The following LIX1 variants were observed in gnomAD, a reference collection of about 807,000 sequenced individuals.
LIX1 encodes protein limb expression 1 homolog.
Under a neutral mutation model 33.4 loss-of-function variants are expected in LIX1, and 24 were observed. The ratio of observed to expected loss-of-function variants is 0.72; its 90% CI spans 0.52 to 1.01. The LOEUF (loss-of-function observed/expected upper bound fraction) is 1.01, where lower values mean the gene tolerates loss of function less well. Ranked by LOEUF, LIX1 falls within the 50% of genes least tolerant of loss-of-function variation. The pLI is 0.00. For synonymous variants in LIX1, 124 were observed against 124.0 expected (o/e 1.00, Z 0.00); for missense variants, 311 against 339.2 (o/e 0.92, Z 0.65).
Position 97,107,517 on chromosome 5 carries a change from GA to G in LIX1, c.247-18del, listed in dbSNP as rs1561493206. 6.2e-7 allele frequency: 1 copy of G among 1,613,338 alleles called. No homozygotes were observed. Among genetic ancestry groups the G allele is most frequent in the East Asian group, 2.2e-5 (1 of 44,868 alleles). On this transcript the variant is annotated intron_variant, in intron 2 of 5. Transcript: ENST00000274382. ...TAAGCAGCACTTGAGAAGGGAGGGA[GA>G]AAAGGAGTCATTTGAGAATTTAGCA...
intron 4 of LIX1, among the ~76,000 whole-genome samples, chr5:97,103,968 A>G (rs1046519512): frequency 1.5e-5 from 2 of 130,984 alleles, no homozygotes; most frequent in Admixed American, 7.2e-5. Context: ...CCGTCTCAAA[A>G]AAGAAAAAAA....
intron 1 of LIX1, among the ~76,000 whole-genome samples, chr5:97,130,082 G>A (rs1478911618): frequency 2.0e-5 from 3 of 152,202 alleles, no homozygotes; most frequent in Non-Finnish European, 4.4e-5. Context: ...AACTGCTGTG[G>A]TTAAAGCAAT....
chr5:97,125,886 A>G (rs1234751310), intron 1 of LIX1, among the ~76,000 whole-genome samples: 1 of 152,222 alleles, frequency 6.6e-6, no homozygotes, highest in East Asian at 1.9e-4. Flanking sequence ...CTGGAGCCGT[A>G]GGAGGTAAGC....
At chr5:97,113,657 G>A (rs1381784906) in intron 2 of LIX1, among the ~76,000 whole-genome samples, 1 of 152,168 alleles carries the variant, frequency 6.6e-6, no homozygotes, top group African/African-American at 2.4e-5. Context: ...TGGTCTGTCT[G>A]ACTTGGGAGT....
chr5:97,109,536 G>A (rs1318723482), intron 2 of LIX1, among the ~76,000 whole-genome samples: 2 of 152,166 alleles, frequency 1.3e-5, no homozygotes, highest in Non-Finnish European at 2.9e-5. Flanking sequence ...TTACAGGTGT[G>A]AGCCACTGGC....
rs527645286 is a variant in LIX1, at chr5:97,095,575, G to C, written c.562-540C>G. Among the ~76,000 whole-genome samples, 336 of 152,290 alleles carry C rather than the reference G, an allele frequency of 2.2e-3. 5 individuals carry two copies. Among genetic ancestry groups the C allele is most frequent in the African/African-American group, 7.7e-3 (322 of 41,574 alleles). ...TTAGCACAAGGGAGATGGTCCAACTGTCCCACAGTAAATACAGAAGGGAGT... is the reference window on the plus strand; with the variant it reads ...TTAGCACAAGGGAGATGGTCCAACTCTCCCACAGTAAATACAGAAGGGAGT... On this transcript the variant is annotated intron_variant, in intron 5 of 5. Transcript: ENST00000274382.
chr5:97,109,056 C>T (rs9765151), intron 2 of LIX1, among the ~76,000 whole-genome samples: 1,686 of 152,202 alleles, frequency 0.011, 25 homozygotes, highest in African/African-American at 0.039. Flanking sequence ...CTTATGCTCT[C>T]GTGTCCTCTA....
chr5:97,109,016 A>G (rs1747219532), intron 2 of LIX1, among the ~76,000 whole-genome samples: 1 of 151,990 alleles, frequency 6.6e-6, no homozygotes, highest in South Asian at 2.1e-4. Context: ...TCTGTTGACT[A>G]TCTCTGCACT....
At chr5:97,141,798 C>T (rs774505844) in intron 1 of LIX1, among the ~76,000 whole-genome samples, 7 of 151,922 alleles carry the variant, frequency 4.6e-5, no homozygotes, top group East Asian at 1.9e-4. Flanking sequence ...GTTCCAGAAA[C>T]GAAGTTATAT....
chr5:97,112,136 T>C (rs895190728), intron 2 of LIX1, among the ~76,000 whole-genome samples: 1 of 152,218 alleles, frequency 6.6e-6, no homozygotes, highest in South Asian at 2.1e-4. Flanking sequence ...GAACTACAAA[T>C]CTCAGCCAGT....
chr5:97,094,702 T>C lies in LIX1; in HGVS notation c.*46A>G. The C allele has an allele frequency of 3.8e-6, 6 of 1,579,320 alleles. No individual in the cohort carries two copies. Among genetic ancestry groups the C allele is most frequent in the African/African-American group, 1.3e-5 (1 of 74,184 alleles). Reference sequence around the variant, plus strand: ...ACCTCTGCACTGAGATTCCTAATGTTAATCTGGCCTCTGCCATCACTGAGG... The same window carrying C: ...ACCTCTGCACTGAGATTCCTAATGTCAATCTGGCCTCTGCCATCACTGAGG... On this transcript the variant is annotated 3_prime_UTR_variant, in exon 6 of 6. Transcript: ENST00000274382.
At chr5:97,124,928 G>A (rs2112789192) in intron 1 of LIX1, among the ~76,000 whole-genome samples, 2 of 152,078 alleles carry the variant, frequency 1.3e-5, no homozygotes, top group Non-Finnish European at 2.9e-5. Context: ...CAATATAGCA[G>A]TATTTCAAAT....
chr5:97,131,122 C>T (rs1748048119), intron 1 of LIX1, among the ~76,000 whole-genome samples: 1 of 152,202 alleles, frequency 6.6e-6, no homozygotes, highest in South Asian at 2.1e-4. Flanking sequence ...TCCCAGTTAA[C>T]TGATGAAGAC....
rs377721570 is a variant in LIX1 at position 97,141,179 on chromosome 5, T to G, written c.82+1316A>C. 3.3e-5 allele frequency among the ~76,000 whole-genome samples: 5 copies of G among 152,122 alleles called. 1 individual carries two copies. In the East Asian group the frequency reaches 5.8e-4, roughly 18 times the overall value. ...TAAATGCTCAGCATAAGAACCCTGG[T>G]CCTATACAATTTATCCAAAGCTTGG... On this transcript the variant is annotated intron_variant, in intron 1 of 5. Coordinates refer to ENST00000274382, the MANE Select transcript of LIX1 (RefSeq NM_153234.5).
chr5:97,103,268 G>A (rs1447056120), intron 4 of LIX1, among the ~76,000 whole-genome samples: 3 of 152,134 alleles, frequency 2.0e-5, no homozygotes, highest in Non-Finnish European at 4.4e-5. Flanking sequence ...TTCAAATAGA[G>A]CTAGGTTAGA....
chr5:97,102,614 T>A (rs930167677), intron 4 of LIX1, among the ~76,000 whole-genome samples: 1 of 152,218 alleles, frequency 6.6e-6, no homozygotes, highest in African/African-American at 2.4e-5. Flanking sequence ...TTTCACAAAT[T>A]TAAATACCTT....
rs1746107908 is a variant in LIX1, at chr5:97,092,219, G to A, written c.*2529C>T. 1 of 152,308 alleles carries A rather than the reference G, an allele frequency of 6.6e-6. No individual in the cohort carries two copies. 9.4% of individuals were successfully genotyped at this position (152,308 alleles called of 1,614,324 possible). A position where few individuals can be genotyped will look rare whatever the true frequency, so the allele number is the denominator to read the frequency against. ...TCCACATACTCTGGAACTGTGTAAT[G>A]TGAATATGTATGTTTTGTTCTATTT... On this transcript the variant is annotated 3_prime_UTR_variant, in exon 6 of 6. Transcript: ENST00000274382.
chr5:97,116,316 A>G (rs372333201), intron 2 of LIX1, among the ~76,000 whole-genome samples: 3 of 152,288 alleles, frequency 2.0e-5, no homozygotes, highest in African/African-American at 7.2e-5. Flanking sequence ...AAAAAGGGCA[A>G]CCGTTGGAAC....
At chr5:97,132,141 A>G (rs1748069831) in intron 1 of LIX1, among the ~76,000 whole-genome samples, 1 of 152,200 alleles carries the variant, frequency 6.6e-6, no homozygotes, top group African/African-American at 2.4e-5. Context: ...GCCATAATTA[A>G]CCTGCAATGT....
Sources: gnomAD v4.1 joint callset for allele counts (sites outside exome capture counted in the v4.1 genomes callset) on GRCh38, gnomAD v4.1.1 for gene constraint, MANE v1.5 for transcripts, NCBI Gene and HGNC (gene_info 2026-07-23, HGNC 2026-07-21) for gene names.